The following ICE2 variants were observed in gnomAD, a reference collection of about 807,000 sequenced individuals.
ICE2 encodes interactor of little elongation complex ELL subunit 2, also known as little elongation complex subunit 2.
A neutral mutation model predicts 105.4 loss-of-function variants in ICE2; 87 were observed. The observed-to-expected ratio is 0.83, with a 90% CI of 0.69 to 0.99. The LOEUF is 0.99. Among genes scored for constraint, ICE2 ranks in the 50% least tolerant of loss-of-function variants. The probability of loss-of-function intolerance (pLI) is 0.00; values close to 1 mark genes in which losing one functional copy is unlikely to be tolerated. For synonymous variants in ICE2, 399 were observed against 392.0 expected, an observed-to-expected ratio of 1.02 and a Z score of -0.21; for missense variants, 1,323 against 1,146.7, an observed-to-expected ratio of 1.15 and a Z score of -2.22.
rs2063232690 is a variant in ICE2 at position 60,420,510 on chromosome 15, T to C, written c.*3124A>G. The C allele has an allele frequency of 6.6e-6, 1 of 152,260 alleles. No individual in the cohort carries two copies. The highest frequency in any genetic ancestry group is 2.1e-4 in the South Asian group (1 of 4,834). The allele number at this position is 152,260 out of a possible 1,614,324, so 9.4% of individuals were successfully genotyped here. A position where few individuals can be genotyped will look rare whatever the true frequency, so the allele number is the denominator to read the frequency against. ...ATCATGTCAGTTAATTAACCTTCACTACTGGTTCCCACATTGCACAGGACA... is the reference window on the plus strand; with the variant it reads ...ATCATGTCAGTTAATTAACCTTCACCACTGGTTCCCACATTGCACAGGACA... On this transcript the variant is annotated 3_prime_UTR_variant, in exon 16 of 16. Transcript: ENST00000261520.
intron 12 of ICE2, chr15:60,441,619 G>C (rs2063722262): frequency 6.6e-6 from 1 of 152,162 alleles, no homozygotes; most frequent in Admixed American, 6.5e-5. Flanking sequence ...ATCAAAGAAA[G>C]CAAAAGACTA....
At position 60,448,008 on chromosome 15, in the gene ICE2, T is replaced by C. The variant is rs748958470; in HGVS notation, c.2257A>G (p.Thr753Ala). The C allele has an allele frequency of 1.9e-5, 30 of 1,612,406 alleles. No individual in the cohort carries two copies. In the South Asian group the frequency reaches 3.1e-4, roughly 17 times the overall value. The change falls in exon 11 of 16, where the codon ACA (threonine) becomes GCA (alanine). Residue 753 changes from threonine (T) to alanine (A), a missense_variant. Coordinates refer to ENST00000261520, the MANE Select transcript of ICE2 (RefSeq NM_024611.6). ...TTCCGTTTTTTAGAACGTGGTCTTG[T>C]CTCTATCCTCTGGACACTGCAGCGT... ...LVRCSVQRIE[T>A]RPRSKKRKKI...
rs1595729626 is a variant in ICE2 at position 60,423,780 on chromosome 15, G to T, written c.2821-18C>A. Reference sequence around the variant, plus strand: ...CCACCAATCTAAGAGATGAAGCAGAGAACAGAATAGCTTAATGTATCTACA... The same window carrying T: ...CCACCAATCTAAGAGATGAAGCAGATAACAGAATAGCTTAATGTATCTACA... On this transcript the variant is annotated intron_variant, in intron 15 of 15. Coordinates refer to ENST00000261520, the MANE Select transcript of ICE2 (RefSeq NM_024611.6). 2 of 1,560,826 alleles carry T rather than the reference G, an allele frequency of 1.3e-6. No homozygotes were observed. The highest frequency in any genetic ancestry group is 2.5e-5 in the South Asian group (2 of 80,626).
Position 60,442,454 on chromosome 15 carries a change from G to C in ICE2, c.2387C>G (p.Thr796Ser). The change falls in exon 12 of 16, where the codon ACT becomes AGT. Residue 796 changes from threonine to serine, a missense_variant. Physicochemically the swap from Thr to Ser is moderately conservative, Grantham distance 58 (BLOSUM62 1). Coordinates refer to ENST00000261520, the MANE Select transcript of ICE2 (RefSeq NM_024611.6). The part of the protein sequence containing the change: ...LTESELCRLW[T>S]ESLLHSNSSF... ...GCTGTTGGAATGCAATAAACTTTCA[G>C]TCCATAAGCGACAAAGTTCACTTTC... is the stretch of plus-strand genomic sequence containing the variant. 1 of 1,598,776 alleles carries C rather than the reference G, an allele frequency of 6.3e-7. No homozygotes were observed. The highest frequency in any genetic ancestry group is 8.5e-7 in the Non-Finnish European group (1 of 1,177,064).
At chr15:60,453,291 C>A (rs1247200108) in intron 9 of ICE2, 1 of 1,074,228 alleles carries the variant, frequency 9.3e-7, no homozygotes, top group Non-Finnish European at 1.1e-6. Flanking sequence ...ATATTAACCA[C>A]CACCATCAAG....
intron 11 of ICE2, chr15:60,447,476 C>T (rs772518155): frequency 2.6e-5 from 4 of 152,216 alleles, no homozygotes; most frequent in African/African-American, 7.2e-5. Flanking sequence ...TTTACATATA[C>T]ATAATGAGAT....
chr15:60,457,399 G>A (rs1157265307), intron 5 of ICE2, among the ~76,000 whole-genome samples: 2 of 152,132 alleles, frequency 1.3e-5, no homozygotes, highest in Admixed American at 6.5e-5. Context: ...ATTCAGAGAT[G>A]CACAGCTGTT....
chr15:60,442,233 C>T lies in ICE2; in HGVS notation c.2425+183G>A. On this transcript the variant is annotated intron_variant, in intron 12 of 15. Coordinates refer to ENST00000261520, the MANE Select transcript of ICE2 (RefSeq NM_024611.6). ...ACTTGAGGCCAGGAGTTTGAGGTTACAGTGAGCTATGATCACATGACTATA... is the reference window on the plus strand; with the variant it reads ...ACTTGAGGCCAGGAGTTTGAGGTTATAGTGAGCTATGATCACATGACTATA... The T allele has an allele frequency of 1.6e-5, 8 of 496,656 alleles. No individual in the cohort carries two copies. In the South Asian group the frequency reaches 2.3e-4, roughly 14 times the overall value. 30.8% of individuals were successfully genotyped at this position (496,656 alleles called of 1,614,324 possible).
In ICE2 at chr15:60,422,731, C is replaced by G. The variant is rs550877689; in HGVS notation, c.*903G>C. ...GTAGGTGCCTGTAGTCCCAGCTACTCGGGAGGATGAGGCAGGAGAATCGCT... is the reference window on the plus strand; with the variant it reads ...GTAGGTGCCTGTAGTCCCAGCTACTGGGGAGGATGAGGCAGGAGAATCGCT... On this transcript the variant is annotated 3_prime_UTR_variant, in exon 16 of 16. Coordinates refer to ENST00000261520, the MANE Select transcript of ICE2 (RefSeq NM_024611.6). 1 of 151,380 alleles carries G rather than the reference C, an allele frequency of 6.6e-6. No homozygotes were observed. Among genetic ancestry groups the G allele is most frequent in the Non-Finnish European group, 1.5e-5 (1 of 68,048 alleles). The allele number at this position is 151,380 out of a possible 1,614,324, so 9.4% of individuals were successfully genotyped here.
rs1459673633 is a variant in ICE2 at position 60,428,428 on chromosome 15, C to T, written c.2820+1G>A. On this transcript the variant is annotated splice_donor_variant, in intron 15 of 15. Coordinates refer to ENST00000261520, the MANE Select transcript of ICE2 (RefSeq NM_024611.6). LOFTEE classifies it high-confidence loss of function. ...ACCTTTAATTTCAAAAAAGATCTTACCTTTTGTTGTGTTGTGGTATCCAGT... is the reference window on the plus strand; with the variant it reads ...ACCTTTAATTTCAAAAAAGATCTTATCTTTTGTTGTGTTGTGGTATCCAGT... 1 of 1,609,124 alleles carries T rather than the reference C, an allele frequency of 6.2e-7. No homozygotes were observed. The highest frequency in any genetic ancestry group is 2.2e-5 in the East Asian group (1 of 44,826).
chr15:60,442,328 G>T, intron 12 of ICE2, 88 bp downstream of exon 12: 1 of 1,209,870 alleles, frequency 8.3e-7, no homozygotes, highest in Non-Finnish European at 1.2e-6. Context: ...AGTAAAAAAG[G>T]GCAGAATAGA....
At chr15:60,465,541 G>A (rs2064399162) in intron 5 of ICE2, among the ~76,000 whole-genome samples, 1 of 151,932 alleles carries the variant, frequency 6.6e-6, no homozygotes, top group African/African-American at 2.4e-5. Flanking sequence ...ACTTAGACTG[G>A]CTAGTTTTGT....
chr15:60,423,391 T>C lies in ICE2; in HGVS notation c.*243A>G, dbSNP rs879679011. ...AATGTAAAAATATTTTTCTTCTTTA[T>C]ATATTTCCCTGCCATGATAATGTTA... On this transcript the variant is annotated 3_prime_UTR_variant, in exon 16 of 16. Transcript: ENST00000261520. 1 of 284,558 alleles carries C rather than the reference T, an allele frequency of 3.5e-6. No homozygotes were observed. The highest frequency in any genetic ancestry group is 6.5e-6 in the Non-Finnish European group (1 of 153,008). 17.6% of individuals were successfully genotyped at this position (284,558 alleles called of 1,614,324 possible). A position where few individuals can be genotyped will look rare whatever the true frequency, so the allele number is the denominator to read the frequency against.
At chr15:60,473,986 G>T (rs2064683052) in intron 3 of ICE2, among the ~76,000 whole-genome samples, 1 of 151,494 alleles carries the variant, frequency 6.6e-6, no homozygotes. Context: ...ACAACTCACT[G>T]CAGTCTCAAA....
At chr15:60,463,440 A>C (rs2064334507) in intron 5 of ICE2, among the ~76,000 whole-genome samples, 1 of 152,212 alleles carries the variant, frequency 6.6e-6, no homozygotes, top group South Asian at 2.1e-4. Flanking sequence ...GAATGAAAGA[A>C]GGAAGGCCCA....
intron 5 of ICE2, among the ~76,000 whole-genome samples, chr15:60,466,293 G>A (rs964508301): frequency 3.9e-5 from 6 of 152,160 alleles, no homozygotes; most frequent in South Asian, 2.1e-4. Context: ...CGCTTTAAAT[G>A]CTATTCTCTC....
chr15:60,442,394 T>A, intron 12 of ICE2, 22 bp downstream of exon 12: 1 of 1,570,656 alleles, frequency 6.4e-7, no homozygotes, highest in East Asian at 2.3e-5. Context: ...AAAAGGAGAA[T>A]AAAGACTTTT....
Position 60,466,650 on chromosome 15 carries a change from T to G in ICE2, c.472A>C (p.Lys158Gln). Residue 158 changes from lysine (K) to glutamine (Q), a missense_variant, in exon 5 of 16, where the codon AAG becomes CAG. Transcript: ENST00000261520. ...ATATTATAATCCTGCGCACATTTCT[T>G]TGCAGAATTCTGCAAAAACTTTAGG... ...EFLKFLQNSA[K>Q]KCAQDYNMLS... is the part of the protein sequence containing the mutation. 6.2e-7 allele frequency: 1 copy of G among 1,611,746 alleles called. No homozygotes were observed. Among genetic ancestry groups the G allele is most frequent in the Non-Finnish European group, 8.5e-7 (1 of 1,179,700 alleles).
chr15:60,448,876 C>T lies in ICE2; in HGVS notation c.2091G>A (p.Trp697Ter). Reference protein sequence around the residue: ...SDSSSWPKSGWPSAFQKPKGR... With the variant: ...SDSSSWPKSG ...CTTTTGGCTTCTGAAATGCAGAAGGCCATCCAGATTTCGGCCAACTAGAGG... is the reference window on the plus strand; with the variant it reads ...CTTTTGGCTTCTGAAATGCAGAAGGTCATCCAGATTTCGGCCAACTAGAGG... The change falls in exon 10 of 16, where the codon TGG becomes TGA. Residue 697 changes from tryptophan (W) to a stop codon, truncating the protein, a stop_gained. Coordinates refer to ENST00000261520, the MANE Select transcript of ICE2 (RefSeq NM_024611.6). LOFTEE classifies it high-confidence loss of function. The T allele has an allele frequency of 2.5e-6, 4 of 1,598,276 alleles. No homozygotes were observed. Among genetic ancestry groups the T allele is most frequent in the Non-Finnish European group, 3.4e-6 (4 of 1,174,940 alleles).
Sources: allele counts gnomAD v4.1 joint callset (sites outside exome capture counted in the v4.1 genomes callset), GRCh38; gene constraint gnomAD v4.1.1; transcripts MANE v1.5; gene names NCBI Gene and HGNC (gene_info 2026-07-23, HGNC 2026-07-21).